TESK2: variants seen among roughly 807,000 people sequenced by gnomAD.
TESK2 encodes the protein testis associated actin remodelling kinase 2.
TESK2 carries 39 observed loss-of-function variants against 57.1 expected under a neutral mutation model. The observed-to-expected ratio is 0.68, with a 90% confidence interval of 0.53 to 0.89. The LOEUF is 0.89. Ranked by LOEUF, TESK2 falls within the 40% of genes least tolerant of loss-of-function variation. The pLI is 0.00. For missense variants in TESK2, 646 were observed against 732.1 expected (o/e 0.88, Z 1.36); for synonymous variants, 249 against 267.9 (o/e 0.93, Z 0.69).
At chr1:45,371,274 A>G (rs1648167754) in intron 4 of TESK2, among the ~76,000 whole-genome samples, 1 of 152,208 alleles carries the variant, frequency 6.6e-6, no homozygotes, top group Admixed American at 6.5e-5. Flanking sequence ...AAAGTCTGGA[A>G]AGTAAGGTTT....
At chr1:45,434,137 G>C (rs757095928) in intron 2 of TESK2, among the ~76,000 whole-genome samples, 11 of 152,074 alleles carry the variant, frequency 7.2e-5, no homozygotes, top group Non-Finnish European at 7.4e-5. Context: ...GGGACTACAG[G>C]CATGTGCCAG....
At chr1:45,481,098 G>A (rs1653199921) in intron 1 of TESK2, among the ~76,000 whole-genome samples, 1 of 152,072 alleles carries the variant, frequency 6.6e-6, no homozygotes, top group African/African-American at 2.4e-5. Context: ...GGGCCTGGTG[G>A]CTCACGCCTG....
chr1:45,406,757 A>G (rs1424677288), intron 3 of TESK2, among the ~76,000 whole-genome samples: 1 of 152,212 alleles, frequency 6.6e-6, no homozygotes, highest in Non-Finnish European at 1.5e-5. Context: ...GATGATTGCA[A>G]TAGCCTCCTT....
chr1:45,394,380 G>T (rs982913023), intron 3 of TESK2, among the ~76,000 whole-genome samples: 21 of 148,604 alleles, frequency 1.4e-4, no homozygotes, highest in Non-Finnish European at 3.0e-4. Flanking sequence ...GCCTAGGCTG[G>T]TCTCAAGTTC....
intron 1 of TESK2, among the ~76,000 whole-genome samples, chr1:45,484,798 G>A (rs918928732): frequency 7.2e-5 from 11 of 151,788 alleles, no homozygotes; most frequent in South Asian, 4.1e-4. Flanking sequence ...TTGGGAGGCC[G>A]AGGCGGGTAG....
chr1:45,476,425 T>C (rs937634207), intron 1 of TESK2, among the ~76,000 whole-genome samples: 1 of 151,958 alleles, frequency 6.6e-6, no homozygotes, highest in Non-Finnish European at 1.5e-5. Flanking sequence ...GGAGAATCGC[T>C]TGAGCCCAGG....
intron 1 of TESK2, among the ~76,000 whole-genome samples, chr1:45,479,286 G>A (rs1285163540): frequency 6.6e-6 from 1 of 152,010 alleles, no homozygotes; most frequent in Non-Finnish European, 1.5e-5. Context: ...AGAATAATAG[G>A]ACTAAGTATA....
intron 1 of TESK2, among the ~76,000 whole-genome samples, chr1:45,477,911 T>A (rs1653066439): frequency 6.6e-6 from 1 of 152,208 alleles, no homozygotes; most frequent in Non-Finnish European, 1.5e-5. Flanking sequence ...TTCATGTCAT[T>A]CTAGCTCTTG....
intron 2 of TESK2, among the ~76,000 whole-genome samples, chr1:45,446,972 C>T (rs927075787): frequency 3.9e-5 from 6 of 152,220 alleles, no homozygotes; most frequent in Admixed American, 3.9e-4. Flanking sequence ...AATCCCAGTA[C>T]TTTGGGAAGC....
chr1:45,459,715 C>T (rs752729438), intron 1 of TESK2, among the ~76,000 whole-genome samples: 3 of 152,070 alleles, frequency 2.0e-5, no homozygotes, highest in Non-Finnish European at 4.4e-5. Context: ...TGATGGTACA[C>T]GCCTGTAGTC....
intron 3 of TESK2, among the ~76,000 whole-genome samples, chr1:45,388,216 G>A (rs181621384): frequency 3.9e-4 from 59 of 152,206 alleles, no homozygotes; most frequent in Admixed American, 3.3e-3. Flanking sequence ...CATTCTGTTG[G>A]AGGGCAATTA....
At chr1:45,484,166 C>CGG (rs1295221295) in intron 1 of TESK2, among the ~76,000 whole-genome samples, 1 of 137,188 alleles carries the variant, frequency 7.3e-6, no homozygotes, top group Non-Finnish European at 1.5e-5. Context: ...TGGAGTACAG[C>CGG]GGCGCGATCT....
Position 45,355,083 on chromosome 1 carries a change from C to T in TESK2, c.540+220G>A, listed in dbSNP as rs572177509. 2.0e-4 allele frequency among the ~76,000 whole-genome samples: 30 copies of T among 151,626 alleles called. No individual in the cohort carries two copies. The South Asian group carries it at 2.1e-3, about 11-fold the overall frequency. On this transcript the variant is annotated intron_variant, in intron 5 of 10. Coordinates refer to ENST00000372086, the MANE Select transcript of TESK2 (RefSeq NM_007170.3). Reference sequence around the variant, plus strand: ...CCCAGCTACTCAGGAGACTGAGGCACGAGAGTCGTTGAACCCAGGAGGCAG... The same window carrying T: ...CCCAGCTACTCAGGAGACTGAGGCATGAGAGTCGTTGAACCCAGGAGGCAG...
In TESK2 at chr1:45,456,056, G is replaced by A. The variant is rs561878767; in HGVS notation, c.222+1508C>T. ...AAAAATACAAAAATTAGCTGGGCATGGTGTCATGCACCTGTAGTCCCAGTT... is the reference window on the plus strand; with the variant it reads ...AAAAATACAAAAATTAGCTGGGCATAGTGTCATGCACCTGTAGTCCCAGTT... On this transcript the variant is annotated intron_variant, in intron 2 of 10. Transcript: ENST00000372086. 4.6e-5 allele frequency among the ~76,000 whole-genome samples: 7 copies of A among 151,972 alleles called. No homozygotes were observed. In the South Asian group the frequency reaches 1.5e-3, roughly 32 times the overall value.
At chr1:45,412,851 C>T (rs1361291869) in intron 3 of TESK2, among the ~76,000 whole-genome samples, 2 of 152,096 alleles carry the variant, frequency 1.3e-5, no homozygotes, top group African/African-American at 2.4e-5. Flanking sequence ...AGAACTTTCT[C>T]TACAAAAAAA....
At chr1:45,470,718 T>G (rs1409243979) in intron 1 of TESK2, among the ~76,000 whole-genome samples, 1 of 152,212 alleles carries the variant, frequency 6.6e-6, no homozygotes, top group Non-Finnish European at 1.5e-5. Context: ...GAATCCCCTC[T>G]ATTAGCTGAC....
intron 1 of TESK2, among the ~76,000 whole-genome samples, chr1:45,460,059 C>T (rs2149300766): frequency 6.6e-6 from 1 of 151,516 alleles, no homozygotes; most frequent in African/African-American, 2.4e-5. Context: ...TGGAGGCCCC[C>T]AAATGGGAGA....
At chr1:45,435,778 A>G (rs1651179604) in intron 2 of TESK2, among the ~76,000 whole-genome samples, 1 of 151,702 alleles carries the variant, frequency 6.6e-6, no homozygotes, top group Admixed American at 6.6e-5. Context: ...TCTTTTGCCC[A>G]GGCTGGAGTG....
chr1:45,423,418 G>A (rs1464765079), intron 2 of TESK2, among the ~76,000 whole-genome samples: 7 of 152,004 alleles, frequency 4.6e-5, no homozygotes, highest in Admixed American at 3.9e-4. Flanking sequence ...TTAGCTGGGC[G>A]TGGTGGCGGG....
Sources: gnomAD v4.1 joint callset for allele counts (sites outside exome capture counted in the v4.1 genomes callset) on GRCh38, gnomAD v4.1.1 for gene constraint, MANE v1.5 for transcripts, NCBI Gene and HGNC (gene_info 2026-07-23, HGNC 2026-07-21) for gene names.